The following SERPINB11 variants were observed in gnomAD, a reference collection of about 807,000 sequenced individuals.
SERPINB11 encodes serpin family B member 11, also known as serpin B11.
A neutral mutation model predicts 36.7 loss-of-function variants in SERPINB11; 32 were observed. That is an observed-to-expected ratio of 0.87 (90% CI 0.66 to 1.17). SERPINB11 has a LOEUF of 1.17. Ranked by LOEUF, SERPINB11 falls within the 50% of genes most tolerant of loss-of-function variation. The pLI is 0.00. For synonymous variants in SERPINB11, 174 were observed against 168.1 expected, an observed-to-expected ratio of 1.04 and a Z score of -0.27; for missense variants, 528 against 458.4, an observed-to-expected ratio of 1.15 and a Z score of -1.39.
intron 4 of SERPINB11, among the ~76,000 whole-genome samples, chr18:63,714,772 A>G (rs562931525): frequency 6.6e-6 from 1 of 152,234 alleles, no homozygotes; most frequent in South Asian, 2.1e-4. Flanking sequence ...TTAAACACAC[A>G]TGCTTTACGA....
intron 7 of SERPINB11, 33 bp downstream of exon 7, chr18:63,721,019 A>T: frequency 6.4e-7 from 1 of 1,567,550 alleles, no homozygotes; most frequent in Non-Finnish European, 8.7e-7. Context: ...ATGCAGTTAA[A>T]GCATGTGTGC....
chr18:63,706,094 G>A (rs1455570402), intron 1 of SERPINB11, among the ~76,000 whole-genome samples: 1 of 152,182 alleles, frequency 6.6e-6, no homozygotes, highest in Non-Finnish European at 1.5e-5. Context: ...CTGTGGTCCA[G>A]GCTTGGTGCT....
chr18:63,710,422 T>C (rs977617226), intron 2 of SERPINB11, 61 bp downstream of exon 2: 1 of 1,385,520 alleles, frequency 7.2e-7, no homozygotes, highest in Non-Finnish European at 9.7e-7. Context: ...CCGCTCTGGG[T>C]CAGCAAAATT....
In SERPINB11 at chr18:63,720,887, T is replaced by C; in HGVS notation, c.675T>C (p.Phe225=). The C allele has an allele frequency of 3.8e-6, 6 of 1,588,262 alleles. No homozygotes were observed. The highest frequency in any genetic ancestry group is 1.1e-5 in the South Asian group (1 of 87,614). Residue 225 remains phenylalanine (F), a synonymous_variant, in exon 7 of 8, where the codon TTT becomes TTC. Transcript: ENST00000544088. ...MYQIGTFKLA[F]VKEPQMQVLE... is the part of the protein sequence containing the mutation. ...AAATTGGAACATTTAAACTGGCCTT[T>C]GTAAAGGAGCCGCAGATGCAAGTTC...
chr18:63,721,787 A>G (rs1914821856), intron 7 of SERPINB11, among the ~76,000 whole-genome samples: 1 of 152,122 alleles, frequency 6.6e-6, no homozygotes, highest in Admixed American at 6.5e-5. Context: ...TTGGATTAAG[A>G]AGTGAGACGG....
intron 6 of SERPINB11, 52 bp downstream of exon 6, chr18:63,720,207 A>T (rs1914771950): frequency 1.4e-6 from 2 of 1,460,808 alleles, no homozygotes; most frequent in African/African-American, 1.4e-5. Context: ...TACAATAATC[A>T]TTTAAGGACA....
At chr18:63,718,179 G>A (rs1466613355) in intron 5 of SERPINB11, among the ~76,000 whole-genome samples, 2 of 151,896 alleles carry the variant, frequency 1.3e-5, no homozygotes, top group Non-Finnish European at 2.9e-5. Context: ...TCATGATGAT[G>A]CCACAATTAT....
At chr18:63,711,769 T>A (rs1914533072) in intron 3 of SERPINB11, among the ~76,000 whole-genome samples, 2 of 152,128 alleles carry the variant, frequency 1.3e-5, no homozygotes, top group African/African-American at 2.4e-5. Context: ...TGGGAAAACA[T>A]GGCCTAATAT....
Position 63,710,150 on chromosome 18 carries a change from T to C in SERPINB11, c.-15-29T>C, listed in dbSNP as rs765302581. On this transcript the variant is annotated intron_variant, in intron 1 of 7. Coordinates refer to ENST00000544088, the MANE Select transcript of SERPINB11 (RefSeq NM_001370475.1). ...TACTATCTGTAACTTCAAGTGATGT[T>C]CTGAGAATTTTTTCCCTTCTGTTCT... is the stretch of plus-strand genomic sequence containing the variant. 3.8e-5 allele frequency: 58 copies of C among 1,543,618 alleles called. No individual in the cohort carries two copies. In the South Asian group the frequency reaches 7.2e-4, roughly 19 times the overall value.
At chr18:63,715,166 A>C (rs955206828) in intron 4 of SERPINB11, among the ~76,000 whole-genome samples, 1 of 152,096 alleles carries the variant, frequency 6.6e-6, no homozygotes, top group Non-Finnish European at 1.5e-5. Flanking sequence ...GTATTGTTCT[A>C]TTCAGTTCAT....
At chr18:63,705,743 C>T (rs373844236) in intron 1 of SERPINB11, 2 of 152,144 alleles carry the variant, frequency 1.3e-5, no homozygotes, top group African/African-American at 2.4e-5. Context: ...TGTGAATAGG[C>T]GATTTTATAA....
In SERPINB11 at chr18:63,723,359, C is replaced by T. The variant is rs531219058; in HGVS notation, c.1139C>T (p.Thr380Ile). 2.5e-6 allele frequency: 4 copies of T among 1,613,256 alleles called. No individual in the cohort carries two copies. In the South Asian group the frequency reaches 3.3e-5, roughly 13 times the overall value. ...PFLFFIRHTH[T>I]NTILFCGKLA... is the part of the protein sequence containing the mutation. Reference sequence around the variant, plus strand: ...CTTTTCTTTATAAGGCACACTCATACCAACACGATCCTATTCTGTGGCAAG... The same window carrying T: ...CTTTTCTTTATAAGGCACACTCATATCAACACGATCCTATTCTGTGGCAAG... The change falls in exon 8 of 8, where the codon ACC becomes ATC. Residue 380 changes from threonine to isoleucine, a missense_variant. Physicochemically the swap from Thr to Ile is moderately conservative, Grantham distance 89. Transcript: ENST00000544088.
At position 63,720,861 on chromosome 18, in the gene SERPINB11, CA is replaced by C; in HGVS notation, c.652del (p.Ile218LeufsTer9). 6.4e-7 allele frequency: 1 copy of C among 1,563,828 alleles called. No homozygotes were observed. The highest frequency in any genetic ancestry group is 8.7e-7 in the Non-Finnish European group (1 of 1,153,296). Reference protein sequence around the residue: ...GKNVTVEMMYQIGTFKLAFVK... With the variant: ...GKNVTVEMMYXIGTFKLAFVK... ...AAATGTAACTGTGGAAATGATGTAT[CA>C]AATTGGAACATTTAAACTGGCCTTT... On this transcript the variant is annotated frameshift_variant, in exon 7 of 8. Transcript: ENST00000544088. LOFTEE classifies it high-confidence loss of function.
chr18:63,721,875 C>T (rs1432115223), intron 7 of SERPINB11, among the ~76,000 whole-genome samples: 1 of 152,168 alleles, frequency 6.6e-6, no homozygotes, highest in African/African-American at 2.4e-5. Context: ...GTGGTTAAGT[C>T]AGAGGGAATC....
intron 1 of SERPINB11, among the ~76,000 whole-genome samples, chr18:63,707,249 C>G: frequency 6.6e-6 from 1 of 152,184 alleles, no homozygotes; most frequent in East Asian, 1.9e-4. Context: ...GGGCAACCAA[C>G]ATTTTTTAAC....
At chr18:63,707,285 A>G (rs2144530349) in intron 1 of SERPINB11, among the ~76,000 whole-genome samples, 1 of 152,304 alleles carries the variant, frequency 6.6e-6, no homozygotes, top group East Asian at 1.9e-4. Context: ...AGAGAAGAAG[A>G]GAAGGAGAGA....
intron 1 of SERPINB11, among the ~76,000 whole-genome samples, chr18:63,709,041 C>T (rs1432648835): frequency 6.6e-6 from 1 of 152,194 alleles, no homozygotes; most frequent in African/African-American, 2.4e-5. Context: ...TTTTTATATC[C>T]ATAGCCCTCT....
At chr18:63,704,730 C>A (rs558008771) in intron 1 of SERPINB11, among the ~76,000 whole-genome samples, 1 of 152,110 alleles carries the variant, frequency 6.6e-6, no homozygotes, top group Admixed American at 6.5e-5. Flanking sequence ...TGAAGTGAGG[C>A]GAACATCATC....
intron 1 of SERPINB11, among the ~76,000 whole-genome samples, chr18:63,708,250 A>C (rs1914423295): frequency 6.6e-6 from 1 of 152,210 alleles, no homozygotes; most frequent in Non-Finnish European, 1.5e-5. Flanking sequence ...GTAAAAGGGA[A>C]GACAGTGGAG....
Sources: gnomAD v4.1 joint callset for allele counts (sites outside exome capture counted in the v4.1 genomes callset) on GRCh38, gnomAD v4.1.1 for gene constraint, MANE v1.5 for transcripts, NCBI Gene and HGNC (gene_info 2026-07-23, HGNC 2026-07-21) for gene names.